The following CTNNA2 variants were observed in gnomAD, a reference collection of about 807,000 sequenced individuals.
CTNNA2 encodes the protein catenin alpha-2.
In CTNNA2, 42 loss-of-function variants were observed where a neutral mutation model predicts 101.0. That is an observed-to-expected ratio of 0.42 (90% CI 0.32 to 0.54). The LOEUF (loss-of-function observed/expected upper bound fraction) is 0.54, where lower values mean the gene tolerates loss of function less well. Ranked by LOEUF, CTNNA2 falls within the 20% of genes least tolerant of loss-of-function variation. The pLI, the probability that CTNNA2 is intolerant of heterozygous loss-of-function variation, is 0.14. For synonymous variants in CTNNA2, 450 were observed against 456.4 expected, an observed-to-expected ratio of 0.99 and a Z score of 0.18; for missense variants, 871 against 1,223.1, an observed-to-expected ratio of 0.71 and a Z score of 4.29.
At chr2:80,432,828 G>A (rs1681667824) in intron 9 of CTNNA2, among the ~76,000 whole-genome samples, 1 of 151,948 alleles carries the variant, frequency 6.6e-6, no homozygotes. Context: ...TTTGAAAAGA[G>A]TGGTTTATAA....
intron 8 of CTNNA2, among the ~76,000 whole-genome samples, chr2:80,401,749 C>T (rs1678568837): frequency 6.6e-6 from 1 of 151,820 alleles, no homozygotes; most frequent in Non-Finnish European, 1.5e-5. Context: ...AGAGTCAATA[C>T]CTGTTTTCAG....
chr2:80,529,671 C>T (rs1314053287), intron 9 of CTNNA2, among the ~76,000 whole-genome samples: 4 of 152,094 alleles, frequency 2.6e-5, no homozygotes, highest in Admixed American at 6.5e-5. Flanking sequence ...GGTTAAATAA[C>T]GAAACAGCCA....
At chr2:80,277,498 C>A (rs1016324696) in intron 7 of CTNNA2, among the ~76,000 whole-genome samples, 16 of 119,668 alleles carry the variant, frequency 1.3e-4, no homozygotes, top group African/African-American at 5.1e-4. Flanking sequence ...ATTGTCAGTA[C>A]AAGTTCAGGG....
chr2:80,201,882 C>G (rs1387057114), intron 7 of CTNNA2, among the ~76,000 whole-genome samples: 1 of 152,180 alleles, frequency 6.6e-6, no homozygotes, highest in Non-Finnish European at 1.5e-5. Context: ...AGAATGATCT[C>G]AGGACTGCCA....
At chr2:80,383,702 A>T (rs991993649) in intron 7 of CTNNA2, among the ~76,000 whole-genome samples, 1 of 152,154 alleles carries the variant, frequency 6.6e-6, no homozygotes, top group Non-Finnish European at 1.5e-5. Context: ...TGTTGAGAAA[A>T]TACAAATAGA....
At position 79,476,482 on chromosome 2, in the gene CTNNA2, T is replaced by C. The variant is rs1671052813; in HGVS notation, c.-134-28572T>C. ...TTTAGCCATTCGGTAACAGTAGCAG[T>C]GATTTTTTCAGAACCCTACTAGTAA... On this transcript the variant is annotated intron_variant, in intron 4 of 21. Transcript: ENST00000466387. Among the ~76,000 whole-genome samples, 6 of 152,284 alleles carry C rather than the reference T, an allele frequency of 3.9e-5. No individual in the cohort carries two copies. The South Asian group carries it at 1.2e-3, about 32-fold the overall frequency.
intron 2 of CTNNA2, among the ~76,000 whole-genome samples, chr2:79,297,715 C>T (rs1306900262): frequency 1.3e-5 from 2 of 152,158 alleles, no homozygotes; most frequent in Non-Finnish European, 2.9e-5. Context: ...CTACTCATTG[C>T]TTTAACTCTA....
At chr2:80,267,401 G>C (rs980926931) in intron 7 of CTNNA2, among the ~76,000 whole-genome samples, 1 of 152,200 alleles carries the variant, frequency 6.6e-6, no homozygotes, top group Non-Finnish European at 1.5e-5. Flanking sequence ...ACTGGCATTT[G>C]CTGACAGCAA....
intron 7 of CTNNA2, among the ~76,000 whole-genome samples, chr2:80,308,569 G>T (rs1417221771): frequency 6.6e-6 from 1 of 152,154 alleles, no homozygotes; most frequent in Non-Finnish European, 1.5e-5. Context: ...GCATGGAGAG[G>T]CTGAGGGTGG....
At chr2:79,864,118 C>G (rs1392604132) in intron 4 of CTNNA2, among the ~76,000 whole-genome samples, 1 of 152,164 alleles carries the variant, frequency 6.6e-6, no homozygotes, top group Non-Finnish European at 1.5e-5. Context: ...AGCGGCCCAT[C>G]CATATTTTCA....
chr2:80,531,443 T>G (rs964478506), intron 9 of CTNNA2, among the ~76,000 whole-genome samples: 4 of 152,220 alleles, frequency 2.6e-5, no homozygotes, highest in Non-Finnish European at 4.4e-5. Context: ...GGCTGCACAA[T>G]TGGCCTCTTG....
chr2:80,545,339 G>A (rs891829493), intron 10 of CTNNA2, among the ~76,000 whole-genome samples: 2 of 152,130 alleles, frequency 1.3e-5, no homozygotes, highest in African/African-American at 4.8e-5. Flanking sequence ...TTGAGGCCAG[G>A]GGTTCAAGGC....
chr2:80,546,155 T>A, intron 11 of CTNNA2, 92 bp downstream of exon 11: 1 of 1,480,610 alleles, frequency 6.8e-7, no homozygotes, highest in Non-Finnish European at 9.1e-7. Flanking sequence ...GGATCTGTGT[T>A]TCAGGCGCAC....
chr2:79,488,796 C>A (rs992860473), intron 4 of CTNNA2, among the ~76,000 whole-genome samples: 7 of 152,162 alleles, frequency 4.6e-5, no homozygotes, highest in African/African-American at 1.7e-4. Context: ...CACTTTCCAG[C>A]CCTCCTCAGA....
chr2:79,908,897 C>A (rs530790240), intron 6 of CTNNA2, among the ~76,000 whole-genome samples: 1 of 152,316 alleles, frequency 6.6e-6, no homozygotes, highest in African/African-American at 2.4e-5. Context: ...TAAAACTTGG[C>A]TGGGGAAATG....
intron 2 of CTNNA2, among the ~76,000 whole-genome samples, chr2:79,662,306 A>C (rs531205564): frequency 1.3e-5 from 2 of 152,292 alleles, no homozygotes; most frequent in African/African-American, 4.8e-5. Flanking sequence ...AAACCTTAAA[A>C]GTATTTTCCA....
At chr2:80,453,748 G>C (rs138950035) in intron 9 of CTNNA2, among the ~76,000 whole-genome samples, 3 of 152,150 alleles carry the variant, frequency 2.0e-5, no homozygotes, top group African/African-American at 7.2e-5. Context: ...ACACAATGTA[G>C]TTTCAATCAG....
At chr2:79,804,247 C>T (rs1432715988) in intron 3 of CTNNA2, among the ~76,000 whole-genome samples, 1 of 151,930 alleles carries the variant, frequency 6.6e-6, no homozygotes, top group Non-Finnish European at 1.5e-5. Context: ...TCATATATTG[C>T]CAATATTTAA....
At chr2:79,739,002 A>G (rs1328085849) in intron 2 of CTNNA2, among the ~76,000 whole-genome samples, 1 of 151,888 alleles carries the variant, frequency 6.6e-6, no homozygotes, top group Non-Finnish European at 1.5e-5. Flanking sequence ...CTTGGAAAAC[A>G]TCAGCTCCAT....
Sources: gnomAD v4.1 joint callset for allele counts (sites outside exome capture counted in the v4.1 genomes callset) on GRCh38, gnomAD v4.1.1 for gene constraint, MANE v1.5 for transcripts, NCBI Gene and HGNC (gene_info 2026-07-23, HGNC 2026-07-21) for gene names.